TJP1: variants seen among roughly 807,000 people sequenced by gnomAD.
TJP1 encodes tight junction protein ZO-1.
Under a neutral mutation model 194.2 loss-of-function variants are expected in TJP1, and 43 were observed. That is an observed-to-expected ratio of 0.22 (90% CI 0.17 to 0.29). The LOEUF (loss-of-function observed/expected upper bound fraction) is 0.29. Ranked by LOEUF, TJP1 falls within the 10% of genes least tolerant of loss-of-function variation. The probability of loss-of-function intolerance (pLI) is 1.00; values close to 1 mark genes in which losing one functional copy is unlikely to be tolerated. For synonymous variants in TJP1, 801 were observed against 779.0 expected, an observed-to-expected ratio of 1.03 and a Z score of -0.47; for missense variants, 1,971 against 2,185.7, an observed-to-expected ratio of 0.90 and a Z score of 1.96.
chr15:29,843,186 C>CTTTTTTTTTTTT (rs544307311), intron 2 of TJP1, among the ~76,000 whole-genome samples: 2 of 69,430 alleles, frequency 2.9e-5, no homozygotes, highest in Admixed American at 1.4e-4. Flanking sequence ...TTTTTCTTTT[C>CTTTTTTTTTTTT]TTTTTTTTTT....
intron 23 of TJP1, among the ~76,000 whole-genome samples, chr15:29,712,461 TCTAA>T (rs1391313243): frequency 2.0e-5 from 3 of 152,158 alleles, no homozygotes; most frequent in African/African-American, 2.4e-5. Flanking sequence ...AAATGGTCAA[TCTAA>T]CTAAGTAAAT....
Position 29,815,900 on chromosome 15 carries a change from T to C in TJP1, c.27+6102A>G, listed in dbSNP as rs116035000. 6.7e-3 allele frequency among the ~76,000 whole-genome samples: 1,013 copies of C among 151,806 alleles called. 9 individuals are homozygous for C. The highest frequency in any genetic ancestry group is 0.023 in the African/African-American group (957 of 41,364). On this transcript the variant is annotated intron_variant, in intron 1 of 27. Coordinates refer to ENST00000614355, the MANE Select transcript of TJP1 (RefSeq NM_001330239.4). The stretch of plus-strand genomic sequence containing the variant: ...CCAGGATTGGAGGGGAAAAAGGGAG[T>C]GGAACTACTGTACTTTTTTTCCTTC...
Position 29,805,815 on chromosome 15 carries a change from T to C in TJP1, c.28-5113A>G, listed in dbSNP as rs1056507040. Among the ~76,000 whole-genome samples, 2 of 152,188 alleles carry C rather than the reference T, an allele frequency of 1.3e-5. 1 individual carries two copies. Among genetic ancestry groups the C allele is most frequent in the South Asian group, 4.1e-4 (2 of 4,830 alleles). On this transcript the variant is annotated intron_variant, in intron 1 of 27. Coordinates refer to ENST00000614355, the MANE Select transcript of TJP1 (RefSeq NM_001330239.4). ...CTGTGAAGATCAGAGATCTGTTCCC[T>C]GAGACAGCAACGTTTTGAGTTCATC...
At position 29,708,979 on chromosome 15, in the gene TJP1, G is replaced by A; in HGVS notation, c.4430C>T (p.Pro1477Leu). ...NSLVSKPDPP[P>L]SQNKPATFRP... ...GAAAGTTGCTGGCTTATTCTGAGAT[G>A]GAGGTGGGTCTGGTTTGGACACTAA... Residue 1477 changes from proline to leucine, a missense_variant, in exon 25 of 28, where the codon CCA becomes CTA. Pro to Leu is a moderately conservative substitution (Grantham distance 98). Coordinates refer to ENST00000614355, the MANE Select transcript of TJP1 (RefSeq NM_001330239.4). 1 of 1,614,194 alleles carries A rather than the reference G, an allele frequency of 6.2e-7. No individual in the cohort carries two copies. The highest frequency in any genetic ancestry group is 8.5e-7 in the Non-Finnish European group (1 of 1,180,036).
intron 1 of TJP1, among the ~76,000 whole-genome samples, chr15:29,802,493 C>G (rs1595947629): frequency 6.6e-6 from 1 of 152,060 alleles, no homozygotes; most frequent in South Asian, 2.1e-4. Context: ...GCCAACCTCA[C>G]CAGCATTTGT....
At chr15:29,948,793 G>A (rs1406709911) in intron 2 of TJP1, among the ~76,000 whole-genome samples, 1 of 152,034 alleles carries the variant, frequency 6.6e-6, no homozygotes, top group African/African-American at 2.4e-5. Context: ...ACCAGTTTGA[G>A]TTAGTGTTCT....
chr15:29,740,308 T>C (rs1053533451), intron 10 of TJP1, among the ~76,000 whole-genome samples: 7 of 152,124 alleles, frequency 4.6e-5, no homozygotes, highest in African/African-American at 1.7e-4. Flanking sequence ...ATTCACATCA[T>C]GTCCCCTTTA....
intron 1 of TJP1, 141 bp downstream of exon 1, chr15:29,821,861 G>GCCCCGCGC (rs1361243096): frequency 3.6e-6 from 3 of 829,126 alleles, no homozygotes; most frequent in African/African-American, 1.9e-5. Flanking sequence ...GCGGCCCGCG[G>GCCCCGCGC]CCCCGCGCCA....
At chr15:29,928,495 C>A (rs369247612) in intron 2 of TJP1, among the ~76,000 whole-genome samples, 31 of 152,144 alleles carry the variant, frequency 2.0e-4, no homozygotes, top group African/African-American at 6.3e-4. Context: ...ATATGTGTAA[C>A]CTATGATGCA....
At chr15:29,766,219 T>C (rs1030966592) in intron 5 of TJP1, 47 bp downstream of exon 5, 1 of 1,571,868 alleles carries the variant, frequency 6.4e-7, no homozygotes, top group African/African-American at 1.4e-5. Flanking sequence ...TTAAAATTAG[T>C]TTTAAATTTT....
exon 2 of TJP1, chr15:29,956,261 G>A (rs1195282265): frequency 3.1e-6 from 4 of 1,288,406 alleles, no homozygotes. Context: ...ATGCTATCAA[G>A]GCTTTTGCTT....
At chr15:29,910,356 T>C (rs965305895) in intron 2 of TJP1, among the ~76,000 whole-genome samples, 2 of 152,178 alleles carry the variant, frequency 1.3e-5, no homozygotes, top group Admixed American at 1.3e-4. Flanking sequence ...TCCACCCAAG[T>C]TCATTGCTAC....
intron 2 of TJP1, among the ~76,000 whole-genome samples, chr15:29,846,077 C>A (rs2051396382): frequency 2.0e-5 from 3 of 152,168 alleles, no homozygotes; most frequent in Admixed American, 2.0e-4. Context: ...ACACTTAACT[C>A]CTATCTTTGC....
chr15:29,939,704 T>C (rs1185546483), intron 2 of TJP1, among the ~76,000 whole-genome samples: 2 of 152,198 alleles, frequency 1.3e-5, no homozygotes, highest in African/African-American at 4.8e-5. Context: ...GTGGGGCCTT[T>C]GGGAGGTGAT....
intron 2 of TJP1, among the ~76,000 whole-genome samples, chr15:29,843,192 T>G (rs1420525311): frequency 2.0e-5 from 1 of 49,442 alleles, no homozygotes; most frequent in African/African-American, 5.7e-5. Flanking sequence ...TTTTCTTTTT[T>G]TTTTTCTTTT....
chr15:29,893,514 T>A lies in TJP1; in HGVS notation c.306+62718A>T, dbSNP rs1030279289. Among the ~76,000 whole-genome samples, 9 of 152,296 alleles carry A rather than the reference T, an allele frequency of 5.9e-5. 1 individual carries two copies. The highest frequency in any genetic ancestry group is 2.2e-4 in the African/African-American group (9 of 41,568). On this transcript the variant is annotated intron_variant, in intron 2 of 28. Transcript: ENST00000356107. The stretch of plus-strand genomic sequence containing the variant: ...TCCATCCACGTGGCCAATTTCACTG[T>A]TGTCTTCTTTTAACAAATTGTCACA...
At chr15:29,710,422 G>C (rs757017401) in intron 24 of TJP1, among the ~76,000 whole-genome samples, 2 of 152,180 alleles carry the variant, frequency 1.3e-5, no homozygotes, top group Non-Finnish European at 2.9e-5. Flanking sequence ...AAGCTCTTAA[G>C]ATGAATAATC....
chr15:29,959,326 A>G (rs2056072245), intron 1 of TJP1, among the ~76,000 whole-genome samples: 1 of 151,804 alleles, frequency 6.6e-6, no homozygotes, highest in African/African-American at 2.4e-5. Flanking sequence ...CAATATTCTC[A>G]TGCATCTTTC....
chr15:29,731,511 A>G (rs1187520352), intron 15 of TJP1, among the ~76,000 whole-genome samples: 6 of 152,194 alleles, frequency 3.9e-5, no homozygotes, highest in African/African-American at 4.8e-5. Context: ...ATCTTCAGAT[A>G]AATTCTGCCA....
Sources: allele counts gnomAD v4.1 joint callset (sites outside exome capture counted in the v4.1 genomes callset), GRCh38; gene constraint gnomAD v4.1.1; transcripts MANE v1.5; gene names NCBI Gene and HGNC (gene_info 2026-07-23, HGNC 2026-07-21).